The following CLSTN3 variants were observed in gnomAD, a reference collection of about 807,000 sequenced individuals.
CLSTN3 encodes the protein calsyntenin-3.
A neutral mutation model predicts 95.9 loss-of-function variants in CLSTN3; 36 were observed. The observed-to-expected ratio is 0.38, with a 90% CI of 0.29 to 0.50. The LOEUF (loss-of-function observed/expected upper bound fraction) is 0.50. Among genes scored for constraint, CLSTN3 ranks in the 20% least tolerant of loss-of-function variants. The pLI is 0.95. For missense variants in CLSTN3, 1,084 were observed against 1,268.8 expected, an observed-to-expected ratio of 0.85 and a Z score of 2.21; for synonymous variants, 481 against 504.0, an observed-to-expected ratio of 0.95 and a Z score of 0.61.
intron 12 of CLSTN3, among the ~76,000 whole-genome samples, chr12:7,147,762 G>A (rs1439795950): frequency 6.6e-6 from 1 of 151,914 alleles, no homozygotes; most frequent in East Asian, 2.0e-4. Context: ...GGATCCTCCC[G>A]CCTCAGCCTC....
Position 7,142,926 on chromosome 12 carries a change from G to T in CLSTN3, c.1598G>T (p.Arg533Leu), listed in dbSNP as rs766942980. Residue 533 changes from arginine to leucine, a missense_variant, in exon 11 of 18, where the codon CGC becomes CTC. Physicochemically the swap from Arg to Leu is moderately radical, Grantham distance 102. Coordinates refer to ENST00000266546, the MANE Select transcript of CLSTN3 (RefSeq NM_014718.4). ...GGCTACCTGGCTGGTTTCAGCGTGC[G>T]CTCAGGTCGCCTGGAGAGCCGCGAG... The part of the protein sequence containing the change: ...FHGYLAGFSV[R>L]SGRLESREVI... 4 of 1,614,070 alleles carry T rather than the reference G, an allele frequency of 2.5e-6. No homozygotes were observed. Among genetic ancestry groups the T allele is most frequent in the Non-Finnish European group, 1.7e-6 (2 of 1,180,000 alleles).
At chr12:7,151,435 C>A (rs1231092483) in intron 16 of CLSTN3, among the ~76,000 whole-genome samples, 1 of 152,154 alleles carries the variant, frequency 6.6e-6, no homozygotes, top group Non-Finnish European at 1.5e-5. Context: ...TTACTAAGCA[C>A]CTACTATGTA....
upstream of CLSTN3, chr12:7,129,428 G>A (rs1939236720): frequency 5.8e-6 from 1 of 172,866 alleles, no homozygotes; most frequent in Non-Finnish European, 1.2e-5. The surrounding 1 kb of genome is among the most constrained non-coding windows in gnomAD (Gnocchi z 5.5). Context: ...CCAGACTCTT[G>A]GTCCTAAAGA....
intron 12 of CLSTN3, among the ~76,000 whole-genome samples, chr12:7,145,308 C>T (rs1939605065): frequency 6.6e-6 from 1 of 151,786 alleles, no homozygotes; most frequent in African/African-American, 2.4e-5. Context: ...TGGTGCTATC[C>T]TAATACTTCC....
chr12:7,131,088 A>G (rs1939290948), intron 1 of CLSTN3: 8 of 394,446 alleles, frequency 2.0e-5, no homozygotes, highest in Admixed American at 3.9e-5. Context: ...TCTCCCTTTC[A>G]CTGGCGCATG....
intron 16 of CLSTN3, chr12:7,156,872 T>TC (rs1565655647): frequency 2.2e-6 from 1 of 455,432 alleles, no homozygotes. Context: ...ACCCCAGACG[T>TC]CCCGGAGCCC....
At chr12:7,129,890 C>T (rs1939246273), upstream of CLSTN3, 1 of 838,228 alleles carries the variant, frequency 1.2e-6, no homozygotes, top group Non-Finnish European at 1.4e-6. This position sits in a 1 kb window ranked among gnomAD's most constrained non-coding sequence, Gnocchi z 5.5. Flanking sequence ...TCGATACCGC[C>T]CTGCGGACCG....
chr12:7,152,133 T>C (rs957253889), intron 16 of CLSTN3, among the ~76,000 whole-genome samples: 6 of 151,938 alleles, frequency 3.9e-5, no homozygotes, highest in Non-Finnish European at 7.4e-5. Flanking sequence ...AAACCACTGA[T>C]AATATGAGTA....
In CLSTN3 at chr12:7,141,555, G is replaced by A; in HGVS notation, c.1486+151G>A. 1.2e-6 allele frequency: 1 copy of A among 807,076 alleles called. No homozygotes were observed. The allele number at this position is 807,076 out of a possible 1,614,324, so 50.0% of individuals were successfully genotyped here. On this transcript the variant is annotated intron_variant, in intron 9 of 17. Transcript: ENST00000266546. The surrounding 1 kb of genome is among the most constrained non-coding windows in gnomAD (Gnocchi z 4.1). ...TGACTCTGAAGATCTCCATGGGAAG[G>A]GACCACAGCCTCCCTCCCGTATCTC... is the stretch of plus-strand genomic sequence containing the variant.
chr12:7,156,605 G>T, intron 16 of CLSTN3: 1 of 456,622 alleles, frequency 2.2e-6, no homozygotes, highest in Non-Finnish European at 4.4e-6. Flanking sequence ...CCTGGCTCGG[G>T]TGTGGGGCGT....
At position 7,150,936 on chromosome 12, in the gene CLSTN3, C is replaced by T; in HGVS notation, c.2400C>T (p.Val800=). 6.2e-7 allele frequency: 1 copy of T among 1,604,974 alleles called. No individual in the cohort carries two copies. The highest frequency in any genetic ancestry group is 8.5e-7 in the Non-Finnish European group (1 of 1,174,612). ...GCCCTCCCTCTGCCCAGGTCAATGT[C>T]CTGCACAGCATGAACCGGGTTGCCC... The part of the protein sequence containing the change: ...SSNEFIVEVN[V]LHSMNRVAHP... Residue 800 remains valine, a synonymous_variant, in exon 16 of 18, where the codon GTC becomes GTT. Transcript: ENST00000266546. The surrounding 1 kb of genome is among the most constrained non-coding windows in gnomAD (Gnocchi z 4.0).
chr12:7,142,146 C>A lies in CLSTN3; in HGVS notation c.1540+7C>A. 7 of 1,605,764 alleles carry A rather than the reference C, an allele frequency of 4.4e-6. No homozygotes were observed. The highest frequency in any genetic ancestry group is 6.0e-6 in the Non-Finnish European group (7 of 1,173,378). The stretch of plus-strand genomic sequence containing the variant: ...AGTACAGACACCACCCAAGGTACTC[C>A]GTGTGTAAGAACTGGAGACCAGAGA... On this transcript the variant is annotated splice_region_variant and intron_variant, in intron 10 of 17. Coordinates refer to ENST00000266546, the MANE Select transcript of CLSTN3 (RefSeq NM_014718.4).
At chr12:7,147,505 CTTTT>C (rs1429445825) in intron 12 of CLSTN3, among the ~76,000 whole-genome samples, 18 of 97,938 alleles carry the variant, frequency 1.8e-4, no homozygotes, top group Non-Finnish European at 1.9e-5. Flanking sequence ...CTTTTTCTTT[CTTTT>C]CTTTTCTTCT....
Position 7,149,395 on chromosome 12 carries a change from A to G in CLSTN3, c.2075-128A>G. On this transcript the variant is annotated intron_variant, in intron 13 of 17. Coordinates refer to ENST00000266546, the MANE Select transcript of CLSTN3 (RefSeq NM_014718.4). This position sits in a 1 kb window ranked among gnomAD's most constrained non-coding sequence, Gnocchi z 4.5. ...GAATTGTTGCATAATGATATTCTTG[A>G]AAATGATGCTGACTTCCCTCTCCCT... is the stretch of plus-strand genomic sequence containing the variant. 1.0e-6 allele frequency: 1 copy of G among 972,774 alleles called. No homozygotes were observed. The highest frequency in any genetic ancestry group is 1.5e-6 in the Non-Finnish European group (1 of 646,694). 60.3% of individuals were successfully genotyped at this position (972,774 alleles called of 1,614,324 possible).
chr12:7,142,957 C>T lies in CLSTN3; in HGVS notation c.1629C>T (p.Ile543=), dbSNP rs373738963. The change falls in exon 11 of 18, where the codon ATC becomes ATT. Residue 543 remains isoleucine, a synonymous_variant. Coordinates refer to ENST00000266546, the MANE Select transcript of CLSTN3 (RefSeq NM_014718.4). ...GTCGCCTGGAGAGCCGCGAGGTCAT[C>T]GAGTGCCTCTATGCATGTCGGGAGG... ...RSGRLESREV[I]ECLYACREGL... 1.4e-5 allele frequency: 23 copies of T among 1,614,048 alleles called. No homozygotes were observed. Among genetic ancestry groups the T allele is most frequent in the Non-Finnish European group, 1.8e-5 (21 of 1,180,028 alleles).
rs1313022585 is a variant in CLSTN3 at position 7,137,103 on chromosome 12, C to G, written c.1203C>G (p.Val401=). 1.2e-6 allele frequency: 2 copies of G among 1,603,840 alleles called. No individual in the cohort carries two copies. Among genetic ancestry groups the G allele is most frequent in the South Asian group, 2.2e-5 (2 of 90,886 alleles). Reference sequence around the variant, plus strand: ...AGGAAACCATCGTATGTAACACTGTCCAGAATGGTGAGCCTCCCCTCCAGG... The same window carrying G: ...AGGAAACCATCGTATGTAACACTGTGCAGAATGGTGAGCCTCCCCTCCAGG... ...KEEETIVCNT[V]QNEDGFSHYS... Residue 401 remains valine (V), a synonymous_variant, in exon 7 of 18, where the codon GTC becomes GTG. Transcript: ENST00000266546. The surrounding 1 kb of genome is among the most constrained non-coding windows in gnomAD (Gnocchi z 4.4).
chr12:7,144,158 A>G (rs1203258359), intron 12 of CLSTN3, among the ~76,000 whole-genome samples: 1 of 149,104 alleles, frequency 6.7e-6, no homozygotes, highest in African/African-American at 2.5e-5. Context: ...ACTGGGACCC[A>G]GGAGGCGGAG....
chr12:7,158,265 C>T lies in CLSTN3; in HGVS notation c.*184C>T, dbSNP rs1436379030. 3.1e-6 allele frequency: 2 copies of T among 646,774 alleles called. No homozygotes were observed. The highest frequency in any genetic ancestry group is 2.4e-5 in the South Asian group (1 of 42,276). The allele number at this position is 646,774 out of a possible 1,614,324, so 40.1% of individuals were successfully genotyped here. A position where few individuals can be genotyped will look rare whatever the true frequency, so the allele number is the denominator to read the frequency against. ...GTCCGCCCTGCCCCTCCCCCGGCCC[C>T]CCATCCCTCACTTCTGGGCTGTCAT... On this transcript the variant is annotated 3_prime_UTR_variant, in exon 18 of 18. Coordinates refer to ENST00000266546, the MANE Select transcript of CLSTN3 (RefSeq NM_014718.4).
chr12:7,138,110 A>T, intron 8 of CLSTN3, 43 bp downstream of exon 8: 2 of 1,484,728 alleles, frequency 1.3e-6, no homozygotes, highest in Non-Finnish European at 1.9e-6. Flanking sequence ...AGTAGATGTG[A>T]CTCACTTTTA....
Sources: gnomAD v4.1 joint callset for allele counts (sites outside exome capture counted in the v4.1 genomes callset) on GRCh38, gnomAD v4.1.1 for gene constraint, Gnocchi (gnomAD v3.1) non-coding constraint, MANE v1.5 for transcripts, NCBI Gene and HGNC (gene_info 2026-07-23, HGNC 2026-07-21) for gene names.